The following LRRC69 variants were observed in gnomAD, a reference collection of about 807,000 sequenced individuals.
LRRC69 encodes the protein leucine-rich repeat-containing protein 69.
LRRC69 carries 42 observed loss-of-function variants against 37.8 expected under a neutral mutation model. That is an observed-to-expected ratio of 1.11 (90% confidence interval 0.87 to 1.44). The LOEUF (loss-of-function observed/expected upper bound fraction) is 1.44. Ranked by LOEUF, LRRC69 falls within the 40% of genes most tolerant of loss-of-function variation. LRRC69 has a pLI of 0.00. For synonymous variants in LRRC69, 141 were observed against 143.1 expected (o/e 0.99, Z 0.11); for missense variants, 357 against 401.9 (o/e 0.89, Z 0.96).
chr8:91,167,323 G>A (rs1809047429), intron 5 of LRRC69, among the ~76,000 whole-genome samples: 1 of 151,664 alleles, frequency 6.6e-6, no homozygotes, highest in South Asian at 2.1e-4. Flanking sequence ...AACTTGTGCA[G>A]GGGTACTCCT....
chr8:91,212,635 AT>A (rs1197939009), intron 7 of LRRC69, among the ~76,000 whole-genome samples: 1 of 152,176 alleles, frequency 6.6e-6, no homozygotes, highest in Non-Finnish European at 1.5e-5. Flanking sequence ...GTAAAAAGTT[AT>A]TACTGTTAAG....
In LRRC69 at chr8:91,123,213, T is replaced by C. The variant is rs1310893414; in HGVS notation, c.184-1280T>C. On this transcript the variant is annotated intron_variant, in intron 1 of 7. Transcript: ENST00000448384. ...TTCTGATTTCTGATCTCCAGAAATA[T>C]AAGATAAATTTGTGTCGTTCTAAGC... Among the ~76,000 whole-genome samples the C allele has an allele frequency of 3.9e-5, 6 of 152,154 alleles. No individual in the cohort carries two copies. In the East Asian group the frequency reaches 7.7e-4, roughly 20 times the overall value.
chr8:91,159,966 AAAC>A (rs1808908270), intron 5 of LRRC69, among the ~76,000 whole-genome samples: 1 of 150,898 alleles, frequency 6.6e-6, no homozygotes, highest in African/African-American at 2.4e-5. Flanking sequence ...ACCTTAAAAA[AAAC>A]AAAACAACAA....
At chr8:91,205,733 T>C (rs1345190124) in intron 7 of LRRC69, among the ~76,000 whole-genome samples, 1 of 152,138 alleles carries the variant, frequency 6.6e-6, no homozygotes, top group Non-Finnish European at 1.5e-5. Context: ...AATTATGTCT[T>C]ACTAGACATA....
intron 4 of LRRC69, 169 bp downstream of exon 4, chr8:91,133,474 G>C: frequency 2.0e-6 from 1 of 489,152 alleles, no homozygotes; most frequent in Non-Finnish European, 3.5e-6. Context: ...GCTATAATTT[G>C]AATTATCCCA....
At chr8:91,190,020 A>T (rs1809466907) in intron 6 of LRRC69, among the ~76,000 whole-genome samples, 1 of 152,212 alleles carries the variant, frequency 6.6e-6, no homozygotes, top group Non-Finnish European at 1.5e-5. Flanking sequence ...TGTTCACTTC[A>T]GCAAAACAAG....
rs549995480 is a variant in LRRC69 at position 91,134,804 on chromosome 8, C to T, written c.580-864C>T. 5.9e-5 allele frequency among the ~76,000 whole-genome samples: 9 copies of T among 152,166 alleles called. 2 individuals carry two copies. Among genetic ancestry groups the T allele is most frequent in the African/African-American group, 2.2e-4 (9 of 41,588 alleles). On this transcript the variant is annotated intron_variant, in intron 4 of 7. Transcript: ENST00000448384. ...ACTTTTTCCAGGAAGCCTTTCCTGA[C>T]CTCCTAATACCAAATTTTCCATATA...
intron 5 of LRRC69, among the ~76,000 whole-genome samples, chr8:91,138,093 A>T (rs1808451962): frequency 6.6e-6 from 1 of 152,148 alleles, no homozygotes. Context: ...CACTAACCTC[A>T]TAAGGTTGTT....
chr8:91,210,044 T>C (rs1206000701), intron 7 of LRRC69, among the ~76,000 whole-genome samples: 1 of 152,172 alleles, frequency 6.6e-6, no homozygotes, highest in Non-Finnish European at 1.5e-5. Flanking sequence ...CATAAAGCAT[T>C]ATATACCCAT....
At chr8:91,153,298 G>T (rs565315345) in intron 5 of LRRC69, among the ~76,000 whole-genome samples, 1 of 151,320 alleles carries the variant, frequency 6.6e-6, no homozygotes, top group Middle Eastern at 3.4e-3. Flanking sequence ...GTCAATATTA[G>T]ATCATTGAGA....
intron 1 of LRRC69, among the ~76,000 whole-genome samples, chr8:91,117,078 G>A (rs990038372): frequency 2.6e-5 from 4 of 151,964 alleles, no homozygotes; most frequent in Non-Finnish European, 5.9e-5. Context: ...TTTAGTAAGA[G>A]CATAGACAGA....
intron 6 of LRRC69, among the ~76,000 whole-genome samples, chr8:91,197,376 C>G (rs1017477986): frequency 8.5e-5 from 13 of 152,196 alleles, no homozygotes; most frequent in African/African-American, 2.2e-4. Flanking sequence ...CCACCCAGTT[C>G]GAGCTTCCCC....
chr8:91,113,484 A>G (rs1359642709), intron 1 of LRRC69, among the ~76,000 whole-genome samples: 1 of 152,050 alleles, frequency 6.6e-6, no homozygotes, highest in African/African-American at 2.4e-5. Flanking sequence ...GTCTTCAATA[A>G]ATGTTGGGAA....
At chr8:91,212,866 C>T (rs1170230199) in intron 7 of LRRC69, among the ~76,000 whole-genome samples, 2 of 151,762 alleles carry the variant, frequency 1.3e-5, no homozygotes, top group Non-Finnish European at 3.0e-5. Flanking sequence ...TTGTTTTATT[C>T]CAAAAATAAC....
exon 8 of LRRC69, chr8:91,218,911 C>G: frequency 1.3e-6 from 2 of 1,549,680 alleles, no homozygotes; most frequent in Non-Finnish European, 1.7e-6. Flanking sequence ...AAGCAAGAAT[C>G]TGAAGCTGGT....
chr8:91,163,194 A>G (rs1808974905), intron 5 of LRRC69, among the ~76,000 whole-genome samples: 1 of 151,314 alleles, frequency 6.6e-6, no homozygotes, highest in African/African-American at 2.4e-5. Flanking sequence ...ATCAAATTTT[A>G]AATTTTTCTT....
At chr8:91,161,298 A>T (rs868723246) in intron 5 of LRRC69, among the ~76,000 whole-genome samples, 1 of 151,420 alleles carries the variant, frequency 6.6e-6, no homozygotes, top group Non-Finnish European at 1.5e-5. Flanking sequence ...TATAAGGGAA[A>T]TGCTGGCCTT....
chr8:91,162,341 A>G (rs1348542774), intron 5 of LRRC69, among the ~76,000 whole-genome samples: 1 of 151,366 alleles, frequency 6.6e-6, no homozygotes, highest in East Asian at 1.9e-4. Flanking sequence ...TCCAGTGCTG[A>G]GAGTGGAGCG....
intron 1 of LRRC69, among the ~76,000 whole-genome samples, chr8:91,109,700 GC>G (rs1466590589): frequency 6.6e-6 from 1 of 151,954 alleles, no homozygotes; most frequent in Non-Finnish European, 1.5e-5. Flanking sequence ...GATTTAAGGG[GC>G]CAGCAGTAAG....
Sources: gnomAD v4.1 joint callset for allele counts (sites outside exome capture counted in the v4.1 genomes callset) on GRCh38, gnomAD v4.1.1 for gene constraint, MANE v1.5 for transcripts, NCBI Gene and HGNC (gene_info 2026-07-23, HGNC 2026-07-21) for gene names.